The following FBXW2 variants were observed in gnomAD, a reference collection of about 807,000 sequenced individuals.
FBXW2 encodes the protein F-box/WD repeat-containing protein 2.
In FBXW2, 12 loss-of-function variants were observed where a neutral mutation model predicts 46.0. The ratio of observed to expected loss-of-function variants is 0.26; its 90% confidence interval spans 0.17 to 0.42. The LOEUF (loss-of-function observed/expected upper bound fraction) is 0.42, where lower values mean the gene tolerates loss of function less well. Ranked by LOEUF, FBXW2 falls within the 10% of genes least tolerant of loss-of-function variation. The probability of loss-of-function intolerance (pLI) is 1.00; values close to 1 mark genes in which losing one functional copy is unlikely to be tolerated. For missense variants in FBXW2, 360 were observed against 537.0 expected, an observed-to-expected ratio of 0.67 and a Z score of 3.26; for synonymous variants, 203 against 209.6, an observed-to-expected ratio of 0.97 and a Z score of 0.27.
At chr9:120,765,400 A>G (rs2044258268) in intron 7 of FBXW2, among the ~76,000 whole-genome samples, 1 of 152,150 alleles carries the variant, frequency 6.6e-6, no homozygotes, top group African/African-American at 2.4e-5. Flanking sequence ...CGGCCTGATG[A>G]AAGTTTATAA....
chr9:120,778,238 G>A (rs1368780785), intron 4 of FBXW2, 113 bp downstream of exon 4: 23 of 893,306 alleles, frequency 2.6e-5, no homozygotes, highest in Non-Finnish European at 3.9e-5. Flanking sequence ...GACTAAGAAA[G>A]AGGGTTGAAA....
chr9:120,771,590 G>A (rs1030515763), intron 6 of FBXW2, 73 bp from the exon 7 acceptor site: 1 of 1,355,488 alleles, frequency 7.4e-7, no homozygotes, highest in Admixed American at 2.3e-5. Context: ...AAAATGGTCT[G>A]CATTTGTGAA....
chr9:120,777,250 A>G (rs2044516114), intron 4 of FBXW2, among the ~76,000 whole-genome samples: 1 of 152,260 alleles, frequency 6.6e-6, no homozygotes, highest in South Asian at 2.1e-4. Flanking sequence ...CCATGCATAC[A>G]TGCACCTTCA....
At chr9:120,784,848 G>C (rs1488982477) in intron 3 of FBXW2, among the ~76,000 whole-genome samples, 2 of 150,542 alleles carry the variant, frequency 1.3e-5, no homozygotes. Flanking sequence ...TTGAACCCAG[G>C]AGGAGGAGGT....
In FBXW2 at chr9:120,793,108, A is replaced by G. The variant is rs112492450; in HGVS notation, c.-21+41T>C. On this transcript the variant is annotated intron_variant, in intron 2 of 7. Coordinates refer to ENST00000608872, the MANE Select transcript of FBXW2 (RefSeq NM_012164.4). The stretch of plus-strand genomic sequence containing the variant: ...TCCCATCAACCCATTCGTTGCTCCC[A>G]GGTCCCTTGCTCTCGGAATCGTGTT... 2,317 of 713,138 alleles carry G rather than the reference A, an allele frequency of 3.2e-3. 45 individuals are homozygous for G. In the African/African-American group the frequency reaches 0.036, roughly 11 times the overall value. 44.2% of individuals were successfully genotyped at this position (713,138 alleles called of 1,614,324 possible). A position where few individuals can be genotyped will look rare whatever the true frequency, so the allele number is the denominator to read the frequency against.
At position 120,757,381 on chromosome 9, in the gene FBXW2, T is replaced by C; in HGVS notation, c.*7178A>G. ...AATACTAAGAAAAAATTCCACTGCT[T>C]TTGCGAGTAAGTCTTCTACTGGAAC... On this transcript the variant is annotated 3_prime_UTR_variant, in exon 8 of 8. Coordinates refer to ENST00000608872, the MANE Select transcript of FBXW2 (RefSeq NM_012164.4). The C allele has an allele frequency of 6.6e-6, 1 of 152,182 alleles. No individual in the cohort carries two copies. Among genetic ancestry groups the C allele is most frequent in the East Asian group, 1.9e-4 (1 of 5,194 alleles). The allele number at this position is 152,182 out of a possible 1,614,324, so 9.4% of individuals were successfully genotyped here.
chr9:120,776,834 A>C (rs1178227741), intron 4 of FBXW2, among the ~76,000 whole-genome samples: 1 of 152,220 alleles, frequency 6.6e-6, no homozygotes, highest in Non-Finnish European at 1.5e-5. Flanking sequence ...CTAAAGGAAC[A>C]TTAGGGACCC....
intron 7 of FBXW2, among the ~76,000 whole-genome samples, chr9:120,765,296 T>C (rs1483778602): frequency 1.3e-5 from 2 of 152,280 alleles, no homozygotes; most frequent in South Asian, 2.1e-4. Flanking sequence ...GGTTTCACCA[T>C]GTTGGCCAGG....
intron 3 of FBXW2, among the ~76,000 whole-genome samples, chr9:120,782,299 G>A (rs1387589752): frequency 6.7e-6 from 1 of 150,086 alleles, no homozygotes; most frequent in Admixed American, 6.6e-5. Flanking sequence ...AACCCCGTCT[G>A]TACTAAAAAT....
intron 5 of FBXW2, among the ~76,000 whole-genome samples, chr9:120,774,587 CAT>C (rs1231193169): frequency 2.6e-5 from 4 of 152,176 alleles, no homozygotes; most frequent in Non-Finnish European, 5.9e-5. Context: ...ACCTTAAAGA[CAT>C]ATCCTTTATG....
rs1324197717 is a variant in FBXW2, at chr9:120,761,094, A to G, written c.*3465T>C. The stretch of plus-strand genomic sequence containing the variant: ...AACTTCTTCCAAGTCCAGTCCTTCC[A>G]CTGGAGGGGCTTTCTTCCTATTTCT... On this transcript the variant is annotated 3_prime_UTR_variant, in exon 8 of 8. Coordinates refer to ENST00000608872, the MANE Select transcript of FBXW2 (RefSeq NM_012164.4). 6.6e-6 allele frequency: 1 copy of G among 152,190 alleles called. No individual in the cohort carries two copies. Among genetic ancestry groups the G allele is most frequent in the East Asian group, 1.9e-4 (1 of 5,200 alleles). The allele number at this position is 152,190 out of a possible 1,614,324, so 9.4% of individuals were successfully genotyped here. A position where few individuals can be genotyped will look rare whatever the true frequency, so the allele number is the denominator to read the frequency against.
rs2044257717 is a variant in FBXW2 at position 120,765,382 on chromosome 9, A to C, written c.1077-535T>G. Among the ~76,000 whole-genome samples the C allele has an allele frequency of 2.0e-5, 3 of 152,248 alleles. No individual in the cohort carries two copies. In the South Asian group the frequency reaches 6.2e-4, roughly 32 times the overall value. ...AGTGCTGGGATTACAGGCGTGAGCC[A>C]CCGCACCCGGCCTGATGAAAGTTTA... On this transcript the variant is annotated intron_variant, in intron 7 of 7. Transcript: ENST00000608872.
At position 120,759,856 on chromosome 9, in the gene FBXW2, T is replaced by A. The variant is rs2044170693; in HGVS notation, c.*4703A>T. On this transcript the variant is annotated 3_prime_UTR_variant, in exon 8 of 8. Coordinates refer to ENST00000608872, the MANE Select transcript of FBXW2 (RefSeq NM_012164.4). ...AAAGACAAGAAACACTGAAACATCC[T>A]AACAGCAAAACAGCTTTTTGCACTG... 1 of 152,238 alleles carries A rather than the reference T, an allele frequency of 6.6e-6. No homozygotes were observed. Among genetic ancestry groups the A allele is most frequent in the African/African-American group, 2.4e-5 (1 of 41,458 alleles). The allele number at this position is 152,238 out of a possible 1,614,324, so 9.4% of individuals were successfully genotyped here.
chr9:120,766,370 A>C (rs948290185), intron 7 of FBXW2, among the ~76,000 whole-genome samples: 2 of 152,232 alleles, frequency 1.3e-5, no homozygotes, highest in Non-Finnish European at 2.9e-5. Flanking sequence ...TTTCAGTCTC[A>C]TATCAGGAAG....
At chr9:120,790,858 C>T (rs535345937) in intron 2 of FBXW2, among the ~76,000 whole-genome samples, 3 of 152,162 alleles carry the variant, frequency 2.0e-5, no homozygotes, top group African/African-American at 7.2e-5. Flanking sequence ...CCCATGACAC[C>T]GCTAAAGATT....
intron 7 of FBXW2, among the ~76,000 whole-genome samples, chr9:120,769,304 CAAGA>C (rs1207900025): frequency 6.6e-6 from 1 of 152,196 alleles, no homozygotes; most frequent in Non-Finnish European, 1.5e-5. Flanking sequence ...AAAGCAGACA[CAAGA>C]CAGACTCTTT....
In FBXW2 at chr9:120,764,199, A is replaced by G. The variant is rs1055916639; in HGVS notation, c.*360T>C. Reference sequence around the variant, plus strand: ...TGGTAAAAAGCTTTAATAACAGACAATGTGATTTCATAGGCAACCAATTAG... The same window carrying G: ...TGGTAAAAAGCTTTAATAACAGACAGTGTGATTTCATAGGCAACCAATTAG... On this transcript the variant is annotated 3_prime_UTR_variant, in exon 8 of 8. Coordinates refer to ENST00000608872, the MANE Select transcript of FBXW2 (RefSeq NM_012164.4). The G allele has an allele frequency of 1.0e-5, 4 of 400,926 alleles. No homozygotes were observed. Among genetic ancestry groups the G allele is most frequent in the Non-Finnish European group, 1.8e-5 (4 of 227,702 alleles). The allele number at this position is 400,926 out of a possible 1,614,324, so 24.8% of individuals were successfully genotyped here. A position where few individuals can be genotyped will look rare whatever the true frequency, so the allele number is the denominator to read the frequency against.
chr9:120,773,854 C>T (rs1448261796), intron 5 of FBXW2, among the ~76,000 whole-genome samples: 1 of 152,204 alleles, frequency 6.6e-6, no homozygotes, highest in Admixed American at 6.5e-5. Context: ...AACTATTTTC[C>T]ACAACACCAA....
At chr9:120,780,549 G>A (rs1279323935) in intron 3 of FBXW2, among the ~76,000 whole-genome samples, 1 of 152,072 alleles carries the variant, frequency 6.6e-6, no homozygotes. Context: ...AAACCACATG[G>A]CGCTAGTGGC....
Sources: allele counts gnomAD v4.1 joint callset (sites outside exome capture counted in the v4.1 genomes callset), GRCh38; gene constraint gnomAD v4.1.1; transcripts MANE v1.5; gene names NCBI Gene and HGNC (gene_info 2026-07-23, HGNC 2026-07-21).